The following RMDN2 variants were observed in gnomAD, a reference collection of about 807,000 sequenced individuals.
RMDN2 encodes the protein regulator of microtubule dynamics protein 2.
In RMDN2, 61 loss-of-function variants were observed where a neutral mutation model predicts 52.8. The observed-to-expected ratio is 1.16, with a 90% CI of 0.94 to 1.43. The LOEUF is 1.43. Among genes scored for constraint, RMDN2 ranks in the 40% most tolerant of loss-of-function variants. RMDN2 has a pLI of 0.00. For missense variants in RMDN2, 592 were observed against 475.3 expected, an observed-to-expected ratio of 1.25 and a Z score of -2.28; for synonymous variants, 180 against 153.1, an observed-to-expected ratio of 1.18 and a Z score of -1.30.
chr2:38,062,985 T>G (rs1682119646), intron 10 of RMDN2, among the ~76,000 whole-genome samples: 1 of 152,206 alleles, frequency 6.6e-6, no homozygotes, highest in Admixed American at 6.5e-5. Flanking sequence ...CCATGGTGTA[T>G]ATGTGCCATA....
At chr2:37,990,240 C>T (rs941320888) in intron 6 of RMDN2, among the ~76,000 whole-genome samples, 43 of 151,476 alleles carry the variant, frequency 2.8e-4, no homozygotes, top group Admixed American at 2.5e-3. Context: ...ATTAGCCGGC[C>T]GGGTGTGGTG....
chr2:37,973,986 C>G, intron 2 of RMDN2, 54 bp from the exon 3 acceptor site: 2 of 1,371,510 alleles, frequency 1.5e-6, no homozygotes, highest in Non-Finnish European at 1.0e-6. Context: ...AAGGAATGCT[C>G]TGGCTATTAT....
chr2:38,047,360 A>C (rs1681334420), intron 10 of RMDN2, among the ~76,000 whole-genome samples: 1 of 152,248 alleles, frequency 6.6e-6, no homozygotes, highest in Non-Finnish European at 1.5e-5. Flanking sequence ...AAACAGTAGA[A>C]ATAATACAAA....
intron 10 of RMDN2, among the ~76,000 whole-genome samples, chr2:38,065,710 C>A (rs1682247249): frequency 6.6e-6 from 1 of 152,196 alleles, no homozygotes; most frequent in African/African-American, 2.4e-5. Flanking sequence ...GGCCATGTCC[C>A]AGGAAACTGG....
chr2:38,042,007 A>G (rs1019700234), intron 10 of RMDN2, among the ~76,000 whole-genome samples: 5 of 152,144 alleles, frequency 3.3e-5, no homozygotes, highest in African/African-American at 9.7e-5. Flanking sequence ...TCTACAAGAG[A>G]TTGCAGAAAA....
chr2:37,970,082 G>A (rs1671594013), intron 2 of RMDN2, among the ~76,000 whole-genome samples: 2 of 152,030 alleles, frequency 1.3e-5, no homozygotes, highest in African/African-American at 2.4e-5. Context: ...ACAGGTGTGG[G>A]CCACTAAACC....
At position 37,975,700 on chromosome 2, in the gene RMDN2, TA is replaced by T. The variant is rs528973543; in HGVS notation, c.730+395del. ...ATGTATGCAAGAACTTAAAGTGTAA[TA>T]AAAAAAAAGATCTATAGTAAATCAC... On this transcript the variant is annotated intron_variant, in intron 4 of 10. Transcript: ENST00000354545. 3.6e-3 allele frequency among the ~76,000 whole-genome samples: 538 copies of T among 151,000 alleles called. 2 individuals are homozygous for T. Among genetic ancestry groups the T allele is most frequent in the African/African-American group, 0.013 (522 of 41,158 alleles).
In RMDN2 at chr2:37,932,478, G is replaced by A. The variant is rs556750218; in HGVS notation, c.452+2749G>A. Among the ~76,000 whole-genome samples the A allele has an allele frequency of 3.4e-3, 513 of 149,964 alleles. 2 individuals are homozygous for A. Among genetic ancestry groups the A allele is most frequent in the South Asian group, 0.03 (143 of 4,690 alleles). On this transcript the variant is annotated intron_variant, in intron 2 of 10. Coordinates refer to ENST00000354545, the MANE Select transcript of RMDN2 (RefSeq NM_001170791.3). ...TGTCTACCTCTTTCTACACAGACAC[G>A]GCAACCATCCGATTTCTCAATCTTT... is the stretch of plus-strand genomic sequence containing the variant.
chr2:37,986,562 A>G (rs558467161), intron 5 of RMDN2, among the ~76,000 whole-genome samples: 14 of 152,244 alleles, frequency 9.2e-5, no homozygotes, highest in African/African-American at 4.8e-5. Flanking sequence ...GAATCTGACA[A>G]TGTGTAAAAA....
intron 10 of RMDN2, among the ~76,000 whole-genome samples, chr2:38,007,491 G>T (rs896005163): frequency 6.6e-6 from 1 of 151,826 alleles, no homozygotes; most frequent in African/African-American, 2.4e-5. Context: ...GTTTATTTGC[G>T]TAGAGGTGTT....
chr2:38,029,301 C>G (rs2125271125), intron 10 of RMDN2: 1 of 152,220 alleles, frequency 6.6e-6, no homozygotes, highest in East Asian at 2.0e-4. Flanking sequence ...TTGGGGCCAC[C>G]TTCCCCCATG....
chr2:37,973,906 T>C, intron 2 of RMDN2, 134 bp from the exon 3 acceptor site: 1 of 666,606 alleles, frequency 1.5e-6, no homozygotes. Flanking sequence ...CTGGAGCTTT[T>C]TCTGAGTGAA....
downstream of RMDN2, among the ~76,000 whole-genome samples, chr2:38,020,277 A>G (rs1679246565): frequency 6.6e-6 from 1 of 152,102 alleles, no homozygotes; most frequent in African/African-American, 2.4e-5. Flanking sequence ...TTTTCCTGCA[A>G]CTAGATGGTC....
intron 10 of RMDN2, among the ~76,000 whole-genome samples, chr2:38,059,368 T>C (rs1681955293): frequency 6.6e-6 from 1 of 152,190 alleles, no homozygotes. Flanking sequence ...GAATTTAAAA[T>C]ATAATGCAAA....
At position 37,925,319 on chromosome 2, in the gene RMDN2, G is replaced by A. The variant is rs1666173124; in HGVS notation, c.-123G>A. On this transcript the variant is annotated 5_prime_UTR_variant, in exon 1 of 11. Transcript: ENST00000354545. ...TCAGGACGCGACGGCCGCGGCGCGGGACCTTAGGACCCGCGGGCTCCAGGG... is the reference window on the plus strand; with the variant it reads ...TCAGGACGCGACGGCCGCGGCGCGGAACCTTAGGACCCGCGGGCTCCAGGG... 1 of 152,226 alleles carries A rather than the reference G, an allele frequency of 6.6e-6. No individual in the cohort carries two copies. Among genetic ancestry groups the A allele is most frequent in the African/African-American group, 2.4e-5 (1 of 41,458 alleles). The allele number at this position is 152,226 out of a possible 1,614,324, so 9.4% of individuals were successfully genotyped here. A position where few individuals can be genotyped will look rare whatever the true frequency, so the allele number is the denominator to read the frequency against.
intron 10 of RMDN2, among the ~76,000 whole-genome samples, chr2:38,065,448 A>G (rs952940531): frequency 6.6e-6 from 1 of 152,158 alleles, no homozygotes; most frequent in African/African-American, 2.4e-5. Context: ...CTCTGACCCA[A>G]AGGGATCTCA....
intron 7 of RMDN2, among the ~76,000 whole-genome samples, chr2:37,993,121 C>T (rs923928312): frequency 1.3e-5 from 2 of 152,090 alleles, no homozygotes; most frequent in Non-Finnish European, 2.9e-5. Context: ...GACGGAGTTT[C>T]GCCATGTTGG....
chr2:38,055,916 A>G (rs1365770656), intron 10 of RMDN2, among the ~76,000 whole-genome samples: 2 of 152,238 alleles, frequency 1.3e-5, no homozygotes, highest in Non-Finnish European at 2.9e-5. Context: ...GGATAACTGG[A>G]AAAAAATCAA....
At chr2:38,028,801 C>A (rs1679969289) in intron 10 of RMDN2, among the ~76,000 whole-genome samples, 1 of 152,110 alleles carries the variant, frequency 6.6e-6, no homozygotes, top group African/African-American at 2.4e-5. Context: ...CCAAGCAAGC[C>A]CCTTTTTATA....
Sources: gnomAD v4.1 joint callset for allele counts (sites outside exome capture counted in the v4.1 genomes callset) on GRCh38, gnomAD v4.1.1 for gene constraint, MANE v1.5 for transcripts, NCBI Gene and HGNC (gene_info 2026-07-23, HGNC 2026-07-21) for gene names.